LTB4R2: variants seen among roughly 807,000 people sequenced by gnomAD.
LTB4R2 encodes the protein leukotriene B4 receptor 2, also known as LTB4 receptor JULF2.
LTB4R2 carries 6 observed loss-of-function variants against 5.3 expected under a neutral mutation model. The observed-to-expected ratio is 1.14, with a 90% CI of 0.62 to 2.24. LTB4R2 has a LOEUF of 2.24. Among genes scored for constraint, LTB4R2 ranks in the 30% most tolerant of loss-of-function variants. The pLI, the probability that LTB4R2 is intolerant of heterozygous loss-of-function variation, is 0.00. For synonymous variants in LTB4R2, 310 were observed against 264.2 expected (o/e 1.17, Z -1.68); for missense variants, 560 against 521.5 (o/e 1.07, Z -0.72).
chr14:24,311,116 T>G lies in LTB4R2; in HGVS notation c.452T>G (p.Leu151Trp). Residue 151 changes from leucine (L) to tryptophan (W), a missense_variant, in exon 2 of 2, where the codon TTG becomes TGG. Transcript: ENST00000533293. ...CTGGCGGTCTGGCTGGCCGCCCTGT[T>G]GCTCGCCGTCCCGGCCGCCGTCTAC... is the stretch of plus-strand genomic sequence containing the variant. Reference protein sequence around the residue: ...LLLAVWLAALLLAVPAAVYRH... With the variant: ...LLLAVWLAALWLAVPAAVYRH... 6.3e-7 allele frequency: 1 copy of G among 1,577,016 alleles called. No homozygotes were observed. Among genetic ancestry groups the G allele is most frequent in the Non-Finnish European group, 8.6e-7 (1 of 1,167,904 alleles).
At position 24,311,386 on chromosome 14, in the gene LTB4R2, A is replaced by G. The variant is rs2041699826; in HGVS notation, c.722A>G (p.His241Arg). The change falls in exon 2 of 2, where the codon CAC (histidine) becomes CGC (arginine). Residue 241 changes from histidine to arginine, a missense_variant. His to Arg is a conservative substitution (Grantham distance 29, BLOSUM62 0). Transcript: ENST00000533293. ...LAFGLLWAPY[H>R]AVNLLQAVAA... ...TTCGGCTTGCTCTGGGCCCCCTACC[A>G]CGCAGTCAACCTTCTGCAGGCGGTC... 1.2e-6 allele frequency: 2 copies of G among 1,602,816 alleles called. No homozygotes were observed. The highest frequency in any genetic ancestry group is 1.7e-6 in the Non-Finnish European group (2 of 1,179,666).
chr14:24,310,864 C>T lies in LTB4R2; in HGVS notation c.200C>T (p.Ala67Val), dbSNP rs774033100. 13 of 1,591,412 alleles carry T rather than the reference C, an allele frequency of 8.2e-6. No individual in the cohort carries two copies. The African/African-American group carries it at 1.2e-4, about 15-fold the overall frequency. ...AATLVLHLAL[A>V]DGAVLLLTPL... ...ACGCTTGTGCTGCACCTGGCGCTGG[C>T]CGACGGCGCGGTGCTGCTGCTCACG... is the stretch of plus-strand genomic sequence containing the variant. Residue 67 changes from alanine to valine, a missense_variant, in exon 2 of 2, where the codon GCC becomes GTC. Transcript: ENST00000533293.
At position 24,310,833 on chromosome 14, in the gene LTB4R2, G is replaced by T; in HGVS notation, c.169G>T (p.Ala57Ser). ...GWRPARGRPL[A>S]ATLVLHLALA... The stretch of plus-strand genomic sequence containing the variant: ...GCGGCCTGCACGGGGGCGACCGCTG[G>T]CGGCCACGCTTGTGCTGCACCTGGC... Residue 57 changes from alanine to serine, a missense_variant, in exon 2 of 2, where the codon GCG becomes TCG. Ala to Ser is a moderately conservative substitution (Grantham distance 99, BLOSUM62 1). Coordinates refer to ENST00000533293, the MANE Select transcript of LTB4R2 (RefSeq NM_019839.5). The T allele has an allele frequency of 6.3e-7, 1 of 1,595,932 alleles. No homozygotes were observed. The highest frequency in any genetic ancestry group is 8.5e-7 in the Non-Finnish European group (1 of 1,176,208).
In LTB4R2 at chr14:24,310,989, G is replaced by T; in HGVS notation, c.325G>T (p.Val109Leu). 1.3e-6 allele frequency: 2 copies of T among 1,589,576 alleles called. No homozygotes were observed. Among genetic ancestry groups the T allele is most frequent in the Non-Finnish European group, 1.7e-6 (2 of 1,176,276 alleles). ...YVCALSMYAS[V>L]LLTGLLSLQR... is the part of the protein sequence containing the mutation. ...GTGCGCGCTCAGCATGTACGCCAGCGTGCTGCTCACCGGCCTGCTCAGCCT... is the reference window on the plus strand; with the variant it reads ...GTGCGCGCTCAGCATGTACGCCAGCTTGCTGCTCACCGGCCTGCTCAGCCT... Residue 109 changes from valine (V) to leucine (L), a missense_variant, in exon 2 of 2, where the codon GTG becomes TTG. By Grantham distance (32) the Val-to-Leu change is conservative. Transcript: ENST00000533293.
Position 24,311,327 on chromosome 14 carries a change from G to T in LTB4R2, c.663G>T (p.Arg221=). The change falls in exon 2 of 2, where the codon CGG becomes CGT. Residue 221 remains arginine (R), a synonymous_variant. Transcript: ENST00000533293. ...GGGGCTCCGGGCGGCACGGGGCGCG[G>T]GTGGGCCGGCTGGTGAGCGCCATCG... ...ARWGSGRHGA[R]VGRLVSAIVL... 1 of 1,601,302 alleles carries T rather than the reference G, an allele frequency of 6.2e-7. No individual in the cohort carries two copies. The highest frequency in any genetic ancestry group is 8.5e-7 in the Non-Finnish European group (1 of 1,175,408).
chr14:24,311,184 TCGCCGGTCCACGCCGC>T lies in LTB4R2; in HGVS notation c.525_540del (p.Val176ThrfsTer2), dbSNP rs759432777. The stretch of plus-strand genomic sequence containing the variant: ...CCGCGTATGCCAGCTGTGCCACCCG[TCGCCGGTCCACGCCGC>T]CGCCCACCTGAGCCTGGAGACTCTG... On this transcript the variant is annotated frameshift_variant, in exon 2 of 2. Transcript: ENST00000533293. LOFTEE classifies it low-confidence loss of function (END_TRUNC). The T allele has an allele frequency of 2.2e-5, 36 of 1,607,606 alleles. No individual in the cohort carries two copies. The highest frequency in any genetic ancestry group is 2.0e-4 in the Admixed American group (12 of 59,662).
Position 24,311,864 on chromosome 14 carries a change from AGGAT to A in LTB4R2, c.*124_*127del. On this transcript the variant is annotated 3_prime_UTR_variant, in exon 2 of 2. Coordinates refer to ENST00000533293, the MANE Select transcript of LTB4R2 (RefSeq NM_019839.5). ...GACTAGAGTTTGGATCTGGCTGGGTAGGATTACTATACACTTGGGGCAGGCCCAG... is the reference window on the plus strand; with the variant it reads ...GACTAGAGTTTGGATCTGGCTGGGTATACTATACACTTGGGGCAGGCCCAG... 1.1e-6 allele frequency: 1 copy of A among 919,948 alleles called. No individual in the cohort carries two copies. The highest frequency in any genetic ancestry group is 2.7e-5 in the East Asian group (1 of 37,566). The allele number at this position is 919,948 out of a possible 1,614,324, so 57.0% of individuals were successfully genotyped here.
chr14:24,311,184 T>C lies in LTB4R2; in HGVS notation c.520T>C (p.Ser174Pro). The change falls in exon 2 of 2, where the codon TCG (serine) becomes CCG (proline). Residue 174 changes from serine to proline, a missense_variant. Physicochemically the swap from Ser to Pro is moderately conservative, Grantham distance 74 (BLOSUM62 -1). Transcript: ENST00000533293. ...RDRVCQLCHP[S>P]PVHAAAHLSL... ...CCGCGTATGCCAGCTGTGCCACCCG[T>C]CGCCGGTCCACGCCGCCGCCCACCT... 6.2e-7 allele frequency: 1 copy of C among 1,607,714 alleles called. No individual in the cohort carries two copies. Among genetic ancestry groups the C allele is most frequent in the Non-Finnish European group, 8.5e-7 (1 of 1,177,876 alleles).
chr14:24,310,352 A>G, intron 1 of LTB4R2, 97 bp downstream of exon 1: 2 of 605,960 alleles, frequency 3.3e-6, no homozygotes, highest in Non-Finnish European at 5.9e-6. Flanking sequence ...GCCAGACTAG[A>G]GGAGTGGTGG....
intron 1 of LTB4R2, 94 bp from the exon 2 acceptor site, chr14:24,310,561 A>C (rs371376421): frequency 8.1e-7 from 1 of 1,230,824 alleles, no homozygotes; most frequent in South Asian, 1.2e-5. Context: ...GCAGGGAAGT[A>C]AGGAGGAGGC....
rs753648356 is a variant in LTB4R2, at chr14:24,311,720, C to T, written c.1056C>T (p.Asp352=). The change falls in exon 2 of 2, where the codon GAC becomes GAT. Residue 352 remains aspartate, a synonymous_variant. Coordinates refer to ENST00000533293, the MANE Select transcript of LTB4R2 (RefSeq NM_019839.5). ...NGDPGGGMEK[D]GPEWDL ...ACCCGGGGGGTGGGATGGAGAAGGA[C>T]GGTCCGGAATGGGACCTTTGACAGC... 13 of 1,597,806 alleles carry T rather than the reference C, an allele frequency of 8.1e-6. No individual in the cohort carries two copies. In the East Asian group the frequency reaches 9.0e-5, roughly 11 times the overall value.
chr14:24,310,254 T>G lies in LTB4R2; in HGVS notation c.-12T>G. 4.0e-6 allele frequency: 2 copies of G among 499,938 alleles called. No homozygotes were observed. Among genetic ancestry groups the G allele is most frequent in the South Asian group, 2.5e-5 (1 of 40,072 alleles). The allele number at this position is 499,938 out of a possible 1,614,324, so 31.0% of individuals were successfully genotyped here. On this transcript the variant is annotated splice_region_variant and 5_prime_UTR_variant, in exon 1 of 2. Coordinates refer to ENST00000533293, the MANE Select transcript of LTB4R2 (RefSeq NM_019839.5). ...CCCCCAATCCTGCTTGCTCCCAGCTTGGTAAGTAGATCTGTGCACGTCCCT... is the reference window on the plus strand; with the variant it reads ...CCCCCAATCCTGCTTGCTCCCAGCTGGGTAAGTAGATCTGTGCACGTCCCT...
intron 1 of LTB4R2, 85 bp from the exon 2 acceptor site, chr14:24,310,570 G>A (rs2041657849): frequency 7.6e-7 from 1 of 1,309,364 alleles, no homozygotes; most frequent in Non-Finnish European, 1.1e-6. Flanking sequence ...TAAGGAGGAG[G>A]CATGGCACCT....
At position 24,311,927 on chromosome 14, in the gene LTB4R2, A is replaced by G; in HGVS notation, c.*186A>G. ...AAACTGAGGGATTATGAGGGTGGTG[A>G]TGGTCCCTGTTAAGGACTATTGTGT... On this transcript the variant is annotated 3_prime_UTR_variant, in exon 2 of 2. Transcript: ENST00000533293. 1.6e-6 allele frequency: 1 copy of G among 613,248 alleles called. No individual in the cohort carries two copies. Among genetic ancestry groups the G allele is most frequent in the Non-Finnish European group, 2.9e-6 (1 of 346,612 alleles). The allele number at this position is 613,248 out of a possible 1,614,324, so 38.0% of individuals were successfully genotyped here.
intron 1 of LTB4R2, 112 bp downstream of exon 1, chr14:24,310,367 G>GA: frequency 1.6e-6 from 1 of 609,692 alleles, no homozygotes; most frequent in South Asian, 2.0e-5. Context: ...TGGTGGTAGA[G>GA]ATAGTGACAG....
intron 1 of LTB4R2, 112 bp downstream of exon 1, chr14:24,310,367 G>A: frequency 1.6e-6 from 1 of 609,692 alleles, no homozygotes; most frequent in Non-Finnish European, 2.9e-6. Context: ...TGGTGGTAGA[G>A]ATAGTGACAG....
In LTB4R2 at chr14:24,310,963, T is replaced by C. The variant is rs1290566175; in HGVS notation, c.299T>C (p.Val100Ala). ...GCGGGCTGCAAGGCGGTGTACTACG[T>C]GTGCGCGCTCAGCATGTACGCCAGC... ...GQAGCKAVYY[V>A]CALSMYASVL... is the part of the protein sequence containing the mutation. Residue 100 changes from valine (V) to alanine (A), a missense_variant, in exon 2 of 2, where the codon GTG (valine) becomes GCG (alanine). Physicochemically the swap from Val to Ala is moderately conservative, Grantham distance 64 (BLOSUM62 0). Transcript: ENST00000533293. 1.9e-6 allele frequency: 3 copies of C among 1,591,822 alleles called. No individual in the cohort carries two copies.
rs775793776 is a variant in LTB4R2 at position 24,310,872 on chromosome 14, G to A, written c.208G>A (p.Ala70Thr). The A allele has an allele frequency of 3.8e-6, 6 of 1,592,288 alleles. No homozygotes were observed. The highest frequency in any genetic ancestry group is 1.7e-5 in the Admixed American group (1 of 59,042). Residue 70 changes from alanine to threonine, a missense_variant, in exon 2 of 2, where the codon GCG becomes ACG. Physicochemically the swap from Ala to Thr is moderately conservative, Grantham distance 58 (BLOSUM62 0). Transcript: ENST00000533293. Reference protein sequence around the residue: ...LVLHLALADGAVLLLTPLFVA... With the variant: ...LVLHLALADGTVLLLTPLFVA... The stretch of plus-strand genomic sequence containing the variant: ...GCTGCACCTGGCGCTGGCCGACGGC[G>A]CGGTGCTGCTGCTCACGCCGCTCTT...
chr14:24,311,206 A>G lies in LTB4R2; in HGVS notation c.542A>G (p.His181Arg). 1 of 1,608,828 alleles carries G rather than the reference A, an allele frequency of 6.2e-7. No homozygotes were observed. Among genetic ancestry groups the G allele is most frequent in the Non-Finnish European group, 8.5e-7 (1 of 1,178,174 alleles). Residue 181 changes from histidine to arginine, a missense_variant, in exon 2 of 2, where the codon CAC becomes CGC. By Grantham distance (29) the His-to-Arg change is conservative. Transcript: ENST00000533293. ...CHPSPVHAAA[H>R]LSLETLTAFV... is the part of the protein sequence containing the mutation. ...CCGTCGCCGGTCCACGCCGCCGCCC[A>G]CCTGAGCCTGGAGACTCTGACCGCT...
Sources: allele counts gnomAD v4.1 joint callset, GRCh38; gene constraint gnomAD v4.1.1; transcripts MANE v1.5; gene names NCBI Gene and HGNC (gene_info 2026-07-23, HGNC 2026-07-21).